The following ATXN2 variants were observed in gnomAD, a reference collection of about 807,000 sequenced individuals.
The protein encoded by ATXN2 is ataxin-2.
In ATXN2, 37 loss-of-function variants were observed where a neutral mutation model predicts 138.6. The ratio of observed to expected loss-of-function variants is 0.27; its 90% CI spans 0.21 to 0.35. The LOEUF is 0.35. ATXN2 is among the 10% of genes least tolerant of loss of function. ATXN2 has a pLI of 1.00. For missense variants in ATXN2, 1,216 were observed against 1,480.3 expected (o/e 0.82, Z 2.93); for synonymous variants, 549 against 543.7 (o/e 1.01, Z -0.13).
chr12:111,580,309 T>C (rs1883923147), intron 1 of ATXN2, among the ~76,000 whole-genome samples: 2 of 151,690 alleles, frequency 1.3e-5, no homozygotes, highest in Admixed American at 1.3e-4. Context: ...AGCAAGATCC[T>C]ATCTCCGAAA....
At position 111,509,127 on chromosome 12, in the gene ATXN2, A is replaced by G. The variant is rs1879357322; in HGVS notation, c.1935+422T>C. On this transcript the variant is annotated intron_variant, in intron 14 of 24. Coordinates refer to ENST00000673436, the MANE Select transcript of ATXN2 (RefSeq NM_001372574.1). ...TGCTAAGACAGAGAAATAATGTTAC[A>G]GAAAGATTTTGACCACAATATATTT... is the stretch of plus-strand genomic sequence containing the variant. 2.6e-5 allele frequency among the ~76,000 whole-genome samples: 4 copies of G among 152,374 alleles called. 1 individual carries two copies. Among genetic ancestry groups the G allele is most frequent in the Non-Finnish European group, 5.9e-5 (4 of 68,034 alleles).
intron 1 of ATXN2, among the ~76,000 whole-genome samples, chr12:111,577,459 G>T (rs1230942974): frequency 4.6e-5 from 7 of 151,518 alleles, no homozygotes; most frequent in Admixed American, 4.6e-4. Flanking sequence ...TAGAGACGGG[G>T]TTTCACCGTG....
intron 1 of ATXN2, among the ~76,000 whole-genome samples, chr12:111,576,370 G>A (rs541211137): frequency 6.6e-6 from 1 of 152,234 alleles, no homozygotes; most frequent in South Asian, 2.1e-4. Flanking sequence ...AGGAGGCGGA[G>A]GTTGCAGTGA....
chr12:111,505,311 T>C (rs1879040665), intron 14 of ATXN2, among the ~76,000 whole-genome samples: 2 of 152,218 alleles, frequency 1.3e-5, no homozygotes, highest in Admixed American at 1.3e-4. Flanking sequence ...AACAGTATTT[T>C]CTTAGATACG....
At chr12:111,582,345 C>T (rs1280887742) in intron 1 of ATXN2, among the ~76,000 whole-genome samples, 1 of 8,254 alleles carries the variant, frequency 1.2e-4, no homozygotes, top group Non-Finnish European at 1.8e-4. Flanking sequence ...ACTCAGGAGG[C>T]TGAGGCAGAA....
rs760853012 is a variant in ATXN2 at position 111,513,402 on chromosome 12, T to G, written c.1513A>C (p.Arg505=). 1.2e-6 allele frequency: 2 copies of G among 1,614,062 alleles called. No individual in the cohort carries two copies. The highest frequency in any genetic ancestry group is 2.2e-5 in the South Asian group (2 of 91,056). The change falls in exon 11 of 25, where the codon AGG becomes CGG. Residue 505 remains arginine (R), a synonymous_variant. Transcript: ENST00000673436. ...PSEAATPPVA[R]TSPSGGTWSS... is the part of the protein sequence containing the mutation. ...CACGTTCCCCCCGAGGGACTGGTCC[T>G]TGCTACTGGAGGAGTAGCTGCTTCA...
intron 18 of ATXN2, 190 bp from the exon 19 acceptor site, chr12:111,470,932 CA>C: frequency 1.7e-6 from 1 of 605,292 alleles, no homozygotes. Context: ...CCTCAAACAC[CA>C]GTTCCCAAAT....
chr12:111,485,050 G>T, intron 18 of ATXN2: 1 of 452,970 alleles, frequency 2.2e-6, no homozygotes, highest in South Asian at 4.7e-5. Flanking sequence ...TTTTGAAGAG[G>T]ATACTATATA....
chr12:111,509,980 T>G lies in ATXN2; in HGVS notation c.1775A>C (p.Gln592Pro). The G allele has an allele frequency of 1.2e-6, 2 of 1,608,566 alleles. No individual in the cohort carries two copies. The highest frequency in any genetic ancestry group is 8.5e-7 in the Non-Finnish European group (1 of 1,178,108). The change falls in exon 13 of 25, where the codon CAA becomes CCA. Residue 592 changes from glutamine to proline, a missense_variant. Coordinates refer to ENST00000673436, the MANE Select transcript of ATXN2 (RefSeq NM_001372574.1). Reference protein sequence around the residue: ...PSSEAKDSRLQDQRQNSPAGN... With the variant: ...PSSEAKDSRLPDQRQNSPAGN... ...TGCAGGAGAGTTCTGCCTCTGATCT[T>G]GAAGCCTGGAATCTTTAGCTAGAAA...
chr12:111,531,889 A>C (rs1218293385), intron 5 of ATXN2, among the ~76,000 whole-genome samples: 1 of 152,246 alleles, frequency 6.6e-6, no homozygotes, highest in African/African-American at 2.4e-5. Context: ...TAAATTCGTA[A>C]AATACACAGG....
intron 1 of ATXN2, among the ~76,000 whole-genome samples, chr12:111,592,035 T>TCG: frequency 6.7e-6 from 1 of 150,280 alleles, no homozygotes; most frequent in Non-Finnish European, 1.5e-5. Flanking sequence ...TGAGCTGAGA[T>TCG]TGCACCACTG....
At chr12:111,571,283 G>C (rs1883297242) in intron 1 of ATXN2, among the ~76,000 whole-genome samples, 1 of 152,196 alleles carries the variant, frequency 6.6e-6, no homozygotes. Flanking sequence ...TAGGAATACT[G>C]ACCTGTAAAA....
intron 8 of ATXN2, among the ~76,000 whole-genome samples, chr12:111,519,012 T>C (rs769206958): frequency 3.3e-5 from 5 of 152,140 alleles, no homozygotes; most frequent in Non-Finnish European, 7.3e-5. Flanking sequence ...CATATGCAAT[T>C]AGCTGCACAA....
chr12:111,513,359 C>T lies in ATXN2; in HGVS notation c.1556G>A (p.Gly519Glu), dbSNP rs1879655636. The change falls in exon 11 of 25, where the codon GGG becomes GAG. Residue 519 changes from glycine to glutamate, a missense_variant and splice_region_variant. Physicochemically the swap from Gly to Glu is moderately conservative, Grantham distance 98. Transcript: ENST00000673436. ...SGGTWSSVVSGVPRLSPKTHR... is the reference protein window; with the variant it reads ...SGGTWSSVVSEVPRLSPKTHR... ...CATTATGCCCAAGTGTTACCTACCCCCACTGACCACTGATGACCACGTTCC... is the reference window on the plus strand; with the variant it reads ...CATTATGCCCAAGTGTTACCTACCCTCACTGACCACTGATGACCACGTTCC... 6.2e-7 allele frequency: 1 copy of T among 1,612,010 alleles called. No homozygotes were observed. Among genetic ancestry groups the T allele is most frequent in the South Asian group, 1.1e-5 (1 of 90,684 alleles).
chr12:111,566,296 G>T (rs998482692), intron 1 of ATXN2, among the ~76,000 whole-genome samples: 1 of 151,880 alleles, frequency 6.6e-6, no homozygotes, highest in African/African-American at 2.4e-5. Context: ...GGTGGGCATG[G>T]TGGTGCATGC....
chr12:111,568,797 A>G (rs1204742171), intron 1 of ATXN2, among the ~76,000 whole-genome samples: 1 of 152,184 alleles, frequency 6.6e-6, no homozygotes, highest in East Asian at 1.9e-4. Flanking sequence ...ATCAAGTTCC[A>G]CCTCTTAAGG....
chr12:111,566,151 G>C (rs759948068), intron 1 of ATXN2, among the ~76,000 whole-genome samples: 1 of 152,068 alleles, frequency 6.6e-6, no homozygotes, highest in Non-Finnish European at 1.5e-5. Context: ...TAAGAAATAC[G>C]GCCGGGCGCG....
At chr12:111,487,830 C>T (rs530581291) in intron 15 of ATXN2, among the ~76,000 whole-genome samples, 1 of 151,948 alleles carries the variant, frequency 6.6e-6, no homozygotes, top group Admixed American at 6.6e-5. Flanking sequence ...AAAGTCATGG[C>T]TGTAAAAAAA....
intron 1 of ATXN2, among the ~76,000 whole-genome samples, chr12:111,596,651 C>T (rs1374245517): frequency 6.6e-6 from 1 of 152,184 alleles, no homozygotes; most frequent in Non-Finnish European, 1.5e-5. Context: ...AATAAAACTT[C>T]ACATTACACA....
Sources: gnomAD v4.1 joint callset for allele counts (sites outside exome capture counted in the v4.1 genomes callset) on GRCh38, gnomAD v4.1.1 for gene constraint, MANE v1.5 for transcripts, NCBI Gene and HGNC (gene_info 2026-07-23, HGNC 2026-07-21) for gene names.